Variants in ARID4A observed in about 807,000 individuals in gnomAD.
ARID4A encodes AT-rich interactive domain-containing protein 4A.
A neutral mutation model predicts 148.6 loss-of-function variants in ARID4A; 39 were observed. The ratio of observed to expected loss-of-function variants is 0.26; its 90% CI spans 0.20 to 0.34. ARID4A has a LOEUF of 0.34. ARID4A is among the 10% of genes least tolerant of loss of function. The pLI, the probability that ARID4A is intolerant of heterozygous loss-of-function variation, is 1.00. For synonymous variants in ARID4A, 475 were observed against 481.2 expected, an observed-to-expected ratio of 0.99 and a Z score of 0.17; for missense variants, 1,265 against 1,449.1, an observed-to-expected ratio of 0.87 and a Z score of 2.06.
At chr14:58,346,270 T>G (rs1045003271) in intron 12 of ARID4A, 141 bp from the exon 13 acceptor site, 9 of 386,616 alleles carry the variant, frequency 2.3e-5, no homozygotes, top group Non-Finnish European at 3.2e-5. Context: ...TTATCTTGTG[T>G]TGTTTTACAT....
At chr14:58,316,070 G>C (rs1419514509) in intron 5 of ARID4A, among the ~76,000 whole-genome samples, 3 of 152,140 alleles carry the variant, frequency 2.0e-5, no homozygotes, top group Non-Finnish European at 4.4e-5. Flanking sequence ...ATTCATTAAA[G>C]GTAAGCGTAG....
intron 8 of ARID4A, among the ~76,000 whole-genome samples, chr14:58,324,201 C>G (rs1455485426): frequency 6.6e-6 from 1 of 152,156 alleles, no homozygotes; most frequent in Non-Finnish European, 1.5e-5. Context: ...CCGCGCCTGG[C>G]CTTAACTTGA....
At chr14:58,300,277 G>A (rs2031033776) in intron 2 of ARID4A, among the ~76,000 whole-genome samples, 1 of 152,152 alleles carries the variant, frequency 6.6e-6, no homozygotes, top group South Asian at 2.1e-4. Flanking sequence ...CATTTCTTCT[G>A]TGTGTAAAAT....
chr14:58,368,737 C>T (rs1291303101), intron 23 of ARID4A, among the ~76,000 whole-genome samples: 1 of 151,580 alleles, frequency 6.6e-6, no homozygotes, highest in Admixed American at 6.6e-5. Flanking sequence ...GTGATGGGAC[C>T]CAAGTCTAAA....
At chr14:58,350,801 TTTGTTG>T (rs1029482794) in intron 15 of ARID4A, among the ~76,000 whole-genome samples, 2 of 152,160 alleles carry the variant, frequency 1.3e-5, no homozygotes, top group African/African-American at 2.4e-5. Context: ...TTATTTCTTT[TTTGTTG>T]TTGTTGTTTA....
At chr14:58,305,274 A>G (rs981339873) in intron 4 of ARID4A, among the ~76,000 whole-genome samples, 7 of 152,112 alleles carry the variant, frequency 4.6e-5, no homozygotes, top group Admixed American at 1.3e-4. Flanking sequence ...GAATTCTTGA[A>G]CTGGATACCT....
At chr14:58,362,259 C>T (rs1207438330) in intron 19 of ARID4A, among the ~76,000 whole-genome samples, 1 of 151,972 alleles carries the variant, frequency 6.6e-6, no homozygotes, top group African/African-American at 2.4e-5. Flanking sequence ...ACTCGTTTCC[C>T]CCACTTTTCT....
At position 58,366,004 on chromosome 14, in the gene ARID4A, A is replaced by G. The variant is rs1459018477; in HGVS notation, c.3317-20A>G. On this transcript the variant is annotated intron_variant, in intron 21 of 23. Coordinates refer to ENST00000355431, the MANE Select transcript of ARID4A (RefSeq NM_002892.4). Reference sequence around the variant, plus strand: ...AGAATTTTATTTATAATCTGAGTCAATCTTTTTTATTATTTATAGGACAAA... The same window carrying G: ...AGAATTTTATTTATAATCTGAGTCAGTCTTTTTTATTATTTATAGGACAAA... The G allele has an allele frequency of 2.6e-6, 4 of 1,557,332 alleles. No homozygotes were observed. The highest frequency in any genetic ancestry group is 2.2e-5 in the East Asian group (1 of 44,496).
chr14:58,346,971 A>G, intron 13 of ARID4A, 49 bp from the exon 14 acceptor site: 1 of 371,110 alleles, frequency 2.7e-6, no homozygotes, highest in Non-Finnish European at 4.7e-6. Context: ...AAAAAAAAAA[A>G]AAGATTAATT....
chr14:58,306,649 G>A (rs886990078), intron 5 of ARID4A, among the ~76,000 whole-genome samples: 1 of 152,146 alleles, frequency 6.6e-6, no homozygotes, highest in East Asian at 1.9e-4. Context: ...AAGCTGAGGC[G>A]GGTGGATCAC....
rs2031587611 is a variant in ARID4A at position 58,306,225 on chromosome 14, GT to G, written c.274+116del. ...GAGAAATATATATTATTTCCTGTCA[GT>G]TTACTGGATATAGCTGACTAAAATT... On this transcript the variant is annotated intron_variant, in intron 5 of 23. Transcript: ENST00000355431. 5 of 782,276 alleles carry G rather than the reference GT, an allele frequency of 6.4e-6. No homozygotes were observed. The Admixed American group carries it at 1.1e-4, about 18-fold the overall frequency. The allele number at this position is 782,276 out of a possible 1,614,324, so 48.5% of individuals were successfully genotyped here.
chr14:58,371,975 G>A lies in ARID4A; in HGVS notation c.3760G>A (p.Val1254Ile). The A allele has an allele frequency of 6.2e-7, 1 of 1,605,818 alleles. No homozygotes were observed. The highest frequency in any genetic ancestry group is 1.1e-5 in the South Asian group (1 of 90,770). The change falls in exon 24 of 24, where the codon GTA becomes ATA. Residue 1254 changes from valine (V) to isoleucine (I), a missense_variant. Val to Ile is a conservative substitution (Grantham distance 29). This residue lies in a region of ARID4A where 666 missense variants were observed against 730.9 expected (regional missense o/e 0.91). Coordinates refer to ENST00000355431, the MANE Select transcript of ARID4A (RefSeq NM_002892.4). Reference sequence around the variant, plus strand: ...ATCTCCCCCACAAAATGTACTTGCTGTAGAATGCAGGTGATAAACATTTTC... The same window carrying A: ...ATCTCCCCCACAAAATGTACTTGCTATAGAATGCAGGTGATAAACATTTTC... ...SSSPPQNVLA[V>I]ECR
chr14:58,335,835 C>T (rs956841692), intron 11 of ARID4A, among the ~76,000 whole-genome samples: 7 of 152,152 alleles, frequency 4.6e-5, no homozygotes, highest in South Asian at 4.1e-4. Flanking sequence ...TCTACCTGCT[C>T]GAATAGCTCT....
In ARID4A at chr14:58,373,022, G is replaced by T; in HGVS notation, c.*1033G>T. The T allele has an allele frequency of 5.1e-6, 1 of 196,584 alleles. No homozygotes were observed. Among genetic ancestry groups the T allele is most frequent in the East Asian group, 7.9e-5 (1 of 12,598 alleles). 12.2% of individuals were successfully genotyped at this position (196,584 alleles called of 1,614,324 possible). ...TCCTGCAGCCTTGCCTGTGTTAAAG[G>T]GAGTCTGTCTCAGTCCATCAAACAG... On this transcript the variant is annotated 3_prime_UTR_variant, in exon 24 of 24. Coordinates refer to ENST00000355431, the MANE Select transcript of ARID4A (RefSeq NM_002892.4).
chr14:58,328,389 C>T, intron 9 of ARID4A, 73 bp downstream of exon 9: 1 of 955,026 alleles, frequency 1.0e-6, no homozygotes, highest in South Asian at 1.5e-5. Flanking sequence ...AGACACCTCC[C>T]CCACCAAAAC....
intron 5 of ARID4A, among the ~76,000 whole-genome samples, chr14:58,308,489 T>G (rs2031776444): frequency 6.6e-6 from 1 of 152,258 alleles, no homozygotes; most frequent in Non-Finnish European, 1.5e-5. Context: ...TTTTTGCACT[T>G]ACGTGCATGA....
At chr14:58,345,265 A>G (rs1051300405) in intron 12 of ARID4A, among the ~76,000 whole-genome samples, 4 of 152,252 alleles carry the variant, frequency 2.6e-5, no homozygotes, top group Non-Finnish European at 5.9e-5. Context: ...CCTATTTTAC[A>G]TAGAAACAAG....
At chr14:58,355,419 A>C (rs1371152220) in intron 17 of ARID4A, among the ~76,000 whole-genome samples, 1 of 152,216 alleles carries the variant, frequency 6.6e-6, no homozygotes, top group East Asian at 1.9e-4. Context: ...TACCTACAAT[A>C]AAGTTTAATG....
At chr14:58,308,579 A>T (rs2031783823) in intron 5 of ARID4A, among the ~76,000 whole-genome samples, 1 of 152,244 alleles carries the variant, frequency 6.6e-6, no homozygotes, top group East Asian at 1.9e-4. Context: ...GAACGTTTAG[A>T]TATTGAAGGA....
Sources: allele counts gnomAD v4.1 joint callset (sites outside exome capture counted in the v4.1 genomes callset), GRCh38; gene constraint gnomAD v4.1.1; regional missense constraint gnomAD v4.1.1; transcripts MANE v1.5; gene names NCBI Gene and HGNC (gene_info 2026-07-23, HGNC 2026-07-21).